Variants in RALGAPA2 observed in about 807,000 individuals in gnomAD.
RALGAPA2 encodes ral GTPase-activating protein subunit alpha-2.
A neutral mutation model predicts 230.4 loss-of-function variants in RALGAPA2; 139 were observed. The observed-to-expected ratio is 0.60, with a 90% CI of 0.53 to 0.69. RALGAPA2 has a LOEUF of 0.69. Among genes scored for constraint, RALGAPA2 ranks in the 30% least tolerant of loss-of-function variants. The pLI, the probability that RALGAPA2 is intolerant of heterozygous loss-of-function variation, is 0.00. For synonymous variants in RALGAPA2, 847 were observed against 837.8 expected, an observed-to-expected ratio of 1.01 and a Z score of -0.19; for missense variants, 2,163 against 2,276.0, an observed-to-expected ratio of 0.95 and a Z score of 1.01.
intron 23 of RALGAPA2, among the ~76,000 whole-genome samples, chr20:20,566,389 ATGTC>A (rs1458187798): frequency 1.3e-5 from 2 of 152,214 alleles, no homozygotes; most frequent in East Asian, 3.8e-4. Context: ...ATCAATCGGT[ATGTC>A]TGTCTACAGC....
At chr20:20,530,390 A>G (rs73290958) in intron 27 of RALGAPA2, among the ~76,000 whole-genome samples, 1,683 of 152,336 alleles carry the variant, frequency 0.011, 25 homozygotes, top group African/African-American at 0.039. Flanking sequence ...TCCAGCTCCC[A>G]TAATACAACC....
At chr20:20,504,781 C>G (rs575524508) in intron 34 of RALGAPA2, among the ~76,000 whole-genome samples, 1 of 151,244 alleles carries the variant, frequency 6.6e-6, no homozygotes, top group South Asian at 2.1e-4. Context: ...ATGTTGATTT[C>G]CATTTTAACT....
At chr20:20,422,067 T>G (rs2060288592) in intron 37 of RALGAPA2, among the ~76,000 whole-genome samples, 1 of 152,182 alleles carries the variant, frequency 6.6e-6, no homozygotes. Context: ...TTAATATAAA[T>G]GTCCAGAATA....
chr20:20,474,127 G>A (rs568957264), intron 36 of RALGAPA2, among the ~76,000 whole-genome samples: 1 of 152,306 alleles, frequency 6.6e-6, no homozygotes, highest in East Asian at 1.9e-4. Context: ...CTAATGGCCA[G>A]GGTGGGCTTT....
intron 26 of RALGAPA2, among the ~76,000 whole-genome samples, chr20:20,534,008 T>C (rs73290967): frequency 5.9e-5 from 9 of 151,716 alleles, no homozygotes; most frequent in African/African-American, 2.2e-4. Flanking sequence ...AATAGAGAAG[T>C]TGAACAAAGA....
intron 18 of RALGAPA2, 129 bp from the exon 19 acceptor site, chr20:20,585,084 C>T: frequency 1.9e-6 from 1 of 530,716 alleles, no homozygotes; most frequent in Non-Finnish European, 3.2e-6. Context: ...TTGATGTTTT[C>T]CATTTGAAGG....
chr20:20,493,189 C>T (rs1474095951), intron 36 of RALGAPA2, among the ~76,000 whole-genome samples: 1 of 152,178 alleles, frequency 6.6e-6, no homozygotes, highest in African/African-American at 2.4e-5. Flanking sequence ...CCTCCGCAAG[C>T]CTCTTGCATT....
At position 20,640,771 on chromosome 20, in the gene RALGAPA2, T is replaced by C; in HGVS notation, c.480A>G (p.Pro160=). ...LIFACLVPGF[P]AVMSSRGPCT... ...AAGGGCCCCTGGATGACATGACTGCTGGGAAACCAGGCACCAGGCAAGCAA... is the reference window on the plus strand; with the variant it reads ...AAGGGCCCCTGGATGACATGACTGCCGGGAAACCAGGCACCAGGCAAGCAA... The change falls in exon 6 of 40, where the codon CCA becomes CCG. Residue 160 remains proline (P), a synonymous_variant. Transcript: ENST00000202677. 2 of 1,613,992 alleles carry C rather than the reference T, an allele frequency of 1.2e-6. No individual in the cohort carries two copies. The highest frequency in any genetic ancestry group is 2.2e-5 in the South Asian group (2 of 91,082).
chr20:20,525,495 T>A (rs958549576), intron 28 of RALGAPA2, among the ~76,000 whole-genome samples: 1 of 152,250 alleles, frequency 6.6e-6, no homozygotes, highest in Non-Finnish European at 1.5e-5. Context: ...CAGTGAAATC[T>A]GTCTAGGGCT....
At chr20:20,421,190 A>T (rs916338532) in intron 37 of RALGAPA2, among the ~76,000 whole-genome samples, 1 of 152,256 alleles carries the variant, frequency 6.6e-6, no homozygotes, top group Non-Finnish European at 1.5e-5. Context: ...AATGGCCAGT[A>T]AACACATGAA....
chr20:20,650,068 C>A (rs1215337857), intron 4 of RALGAPA2, among the ~76,000 whole-genome samples: 3 of 152,162 alleles, frequency 2.0e-5, no homozygotes, highest in Non-Finnish European at 1.5e-5. Context: ...GCCAACCACT[C>A]CCCTGGTCAT....
chr20:20,520,833 T>TA (rs936992498), intron 31 of RALGAPA2, 84 bp downstream of exon 31: 608 of 1,160,046 alleles, frequency 5.2e-4, no homozygotes, highest in South Asian at 6.5e-4. Context: ...ACAACTAGAT[T>TA]AAAAAAAAAT....
chr20:20,497,650 T>C (rs1241638935), intron 35 of RALGAPA2, among the ~76,000 whole-genome samples: 2 of 152,236 alleles, frequency 1.3e-5, no homozygotes, highest in Non-Finnish European at 2.9e-5. Flanking sequence ...TGAAGTTTTG[T>C]AGTTACTTTC....
Position 20,568,040 on chromosome 20 carries a change from C to T in RALGAPA2, c.3156+3418G>A, listed in dbSNP as rs200850196. On this transcript the variant is annotated intron_variant, in intron 23 of 39. Transcript: ENST00000202677. ...AGAAATAAATACTCCTAAGCACCATCACCAGCCCACCCTCAGACACAAAGC... is the reference window on the plus strand; with the variant it reads ...AGAAATAAATACTCCTAAGCACCATTACCAGCCCACCCTCAGACACAAAGC... 2.0e-5 allele frequency among the ~76,000 whole-genome samples: 3 copies of T among 152,224 alleles called. No individual in the cohort carries two copies. In the East Asian group the frequency reaches 5.8e-4, roughly 29 times the overall value.
intron 23 of RALGAPA2, among the ~76,000 whole-genome samples, chr20:20,554,564 A>G (rs552097480): frequency 1.4e-4 from 22 of 152,040 alleles, no homozygotes; most frequent in Admixed American, 3.3e-4. Flanking sequence ...TCTTTCACCC[A>G]TTTTTTATTT....
At chr20:20,611,259 G>T (rs2065965648) in intron 14 of RALGAPA2, 56 bp downstream of exon 14, 12 of 1,521,722 alleles carry the variant, frequency 7.9e-6, no homozygotes, top group Middle Eastern at 1.8e-4. Context: ...AAACTAGTTT[G>T]CTACAAAATC....
Position 20,639,798 on chromosome 20 carries a change from T to C in RALGAPA2, c.653A>G (p.Tyr218Cys), listed in dbSNP as rs1265158284. ...TCFFLQILLK[Y>C]MVIQAASLEW... ...TTTTTCTCTGACCTGAATAACCATATACTTCAACAGTATTTGAAGAAAAAA... is the reference window on the plus strand; with the variant it reads ...TTTTTCTCTGACCTGAATAACCATACACTTCAACAGTATTTGAAGAAAAAA... The change falls in exon 7 of 40, where the codon TAT becomes TGT. Residue 218 changes from tyrosine to cysteine, a missense_variant. Tyr to Cys is a radical substitution (Grantham distance 194, BLOSUM62 -2). Transcript: ENST00000202677. 3 of 1,607,366 alleles carry C rather than the reference T, an allele frequency of 1.9e-6. No individual in the cohort carries two copies. Among genetic ancestry groups the C allele is most frequent in the Non-Finnish European group, 2.6e-6 (3 of 1,173,916 alleles).
intron 37 of RALGAPA2, among the ~76,000 whole-genome samples, chr20:20,464,296 G>A (rs966748911): frequency 3.9e-5 from 6 of 152,198 alleles, no homozygotes; most frequent in East Asian, 1.9e-4. Flanking sequence ...AGGCCCGCCC[G>A]CTCCCAGTCT....
At chr20:20,699,764 C>A (rs201421373) in intron 1 of RALGAPA2, among the ~76,000 whole-genome samples, 1 of 152,108 alleles carries the variant, frequency 6.6e-6, no homozygotes, top group South Asian at 2.1e-4. Context: ...GAGATACCAT[C>A]TCACACCAGT....
Sources: gnomAD v4.1 joint callset for allele counts (sites outside exome capture counted in the v4.1 genomes callset) on GRCh38, gnomAD v4.1.1 for gene constraint, MANE v1.5 for transcripts, NCBI Gene and HGNC (gene_info 2026-07-23, HGNC 2026-07-21) for gene names.